Variants in OLA1 observed in about 807,000 individuals in gnomAD.
OLA1 encodes the protein Obg like ATPase 1.
A neutral mutation model predicts 48.4 loss-of-function variants in OLA1; 14 were observed. The ratio of observed to expected loss-of-function variants is 0.29; its 90% CI spans 0.19 to 0.45. OLA1 has a LOEUF of 0.45. OLA1 is among the 20% of genes least tolerant of loss of function. The pLI is 1.00. For missense variants in OLA1, 325 were observed against 467.1 expected, an observed-to-expected ratio of 0.70 and a Z score of 2.80; for synonymous variants, 127 against 150.4, an observed-to-expected ratio of 0.84 and a Z score of 1.14.
intron 4 of OLA1, among the ~76,000 whole-genome samples, chr2:174,180,741 T>A (rs116103367): frequency 6.6e-6 from 1 of 152,196 alleles, no homozygotes; most frequent in Non-Finnish European, 1.5e-5. Flanking sequence ...ACTGCATATA[T>A]CATTTGGTCC....
chr2:174,116,395 A>G (rs1685783687), intron 7 of OLA1, among the ~76,000 whole-genome samples: 1 of 152,258 alleles, frequency 6.6e-6, no homozygotes, highest in Non-Finnish European at 1.5e-5. Flanking sequence ...TTTAGAATAA[A>G]GGAATATAAT....
intron 7 of OLA1, among the ~76,000 whole-genome samples, chr2:174,106,448 GCAAA>G (rs1685516892): frequency 6.6e-6 from 1 of 152,068 alleles, no homozygotes; most frequent in Non-Finnish European, 1.5e-5. Flanking sequence ...TCAATTGCAT[GCAAA>G]TAGATAAATG....
At chr2:174,218,381 C>A (rs1027040249) in intron 4 of OLA1, among the ~76,000 whole-genome samples, 5 of 151,728 alleles carry the variant, frequency 3.3e-5, no homozygotes, top group African/African-American at 1.2e-4. Context: ...GAAAAAAAAA[C>A]CACCAGAATT....
chr2:174,094,375 T>C lies in OLA1; in HGVS notation c.729-12311A>G, dbSNP rs150891880. 5.6e-3 allele frequency among the ~76,000 whole-genome samples: 849 copies of C among 152,304 alleles called. 2 individuals carry two copies. Among genetic ancestry groups the C allele is most frequent in the Non-Finnish European group, 9.5e-3 (649 of 68,030 alleles). On this transcript the variant is annotated intron_variant, in intron 7 of 10. Transcript: ENST00000284719. ...AACGTTCCTCAAACAGATCTACAGA[T>C]TCAATGCAATTCTTTTCAAAATCCC... is the stretch of plus-strand genomic sequence containing the variant.
In OLA1 at chr2:174,153,502, C is replaced by T. The variant is rs1686794496; in HGVS notation, c.374-11502G>A. 3.9e-5 allele frequency among the ~76,000 whole-genome samples: 6 copies of T among 152,118 alleles called. No individual in the cohort carries two copies. The South Asian group carries it at 1.2e-3, about 32-fold the overall frequency. On this transcript the variant is annotated intron_variant, in intron 4 of 10. Transcript: ENST00000284719. ...GTTATCACTGACACCACTTAACTGA[C>T]AAGAAGCAACACATTACAATATTAT...
intron 4 of OLA1, among the ~76,000 whole-genome samples, chr2:174,189,350 G>A (rs1327203440): frequency 6.6e-6 from 1 of 151,980 alleles, no homozygotes; most frequent in Admixed American, 6.6e-5. Flanking sequence ...CACAAAGAAA[G>A]TTAAAGCACA....
chr2:174,174,473 C>A (rs1687378697), intron 4 of OLA1, among the ~76,000 whole-genome samples: 2 of 151,904 alleles, frequency 1.3e-5, no homozygotes, highest in Admixed American at 6.6e-5. Flanking sequence ...AATTCAACAC[C>A]TATTCAGGAT....
intron 4 of OLA1, among the ~76,000 whole-genome samples, chr2:174,173,287 T>A (rs1252151566): frequency 6.6e-6 from 1 of 151,400 alleles, no homozygotes; most frequent in Non-Finnish European, 1.5e-5. Flanking sequence ...ATTCCAGCAA[T>A]AAGAAATTAA....
chr2:174,121,819 G>A (rs767295408), intron 7 of OLA1, among the ~76,000 whole-genome samples: 30 of 152,100 alleles, frequency 2.0e-4, no homozygotes, highest in Admixed American at 4.6e-4. Flanking sequence ...GAGCCAGGGA[G>A]TTCTACCTGT....
intron 3 of OLA1, among the ~76,000 whole-genome samples, chr2:174,227,035 A>T (rs1414635012): frequency 1.3e-5 from 2 of 152,092 alleles, no homozygotes; most frequent in Non-Finnish European, 2.9e-5. Flanking sequence ...TTGAGGCTAC[A>T]GTGAGCTGTG....
At chr2:174,188,697 T>C (rs1467447060) in intron 4 of OLA1, among the ~76,000 whole-genome samples, 1 of 152,192 alleles carries the variant, frequency 6.6e-6, no homozygotes, top group African/African-American at 2.4e-5. Context: ...GTGGCTGAGA[T>C]ACTGACACCT....
chr2:174,140,636 G>A (rs1332599186), intron 5 of OLA1, among the ~76,000 whole-genome samples: 4 of 152,082 alleles, frequency 2.6e-5, no homozygotes, highest in South Asian at 2.1e-4. Flanking sequence ...CCAAAGTGCT[G>A]GAATTACAGG....
At chr2:174,169,644 C>T (rs1367272287) in intron 4 of OLA1, among the ~76,000 whole-genome samples, 1 of 152,080 alleles carries the variant, frequency 6.6e-6, no homozygotes, top group Non-Finnish European at 1.5e-5. Context: ...TTGCCAACAG[C>T]CCTGCGCTAT....
At chr2:174,180,768 G>T (rs1315945233) in intron 4 of OLA1, among the ~76,000 whole-genome samples, 9 of 152,186 alleles carry the variant, frequency 5.9e-5, no homozygotes, top group Admixed American at 5.9e-4. Flanking sequence ...TCTGGGAAAA[G>T]ATAGAAATCA....
intron 7 of OLA1, among the ~76,000 whole-genome samples, chr2:174,088,362 A>G (rs1043715001): frequency 1.3e-5 from 2 of 152,178 alleles, no homozygotes; most frequent in Non-Finnish European, 2.9e-5. Flanking sequence ...CCTCTTTACC[A>G]CTTTCCAAAT....
chr2:174,212,876 TTC>T (rs1418148828), intron 4 of OLA1, among the ~76,000 whole-genome samples: 1 of 152,206 alleles, frequency 6.6e-6, no homozygotes, highest in Non-Finnish European at 1.5e-5. Context: ...CAATGGCTTC[TTC>T]TGGATAGCTC....
chr2:174,084,984 C>A (rs1322693602), intron 7 of OLA1, among the ~76,000 whole-genome samples: 2 of 152,110 alleles, frequency 1.3e-5, no homozygotes, highest in African/African-American at 4.8e-5. Flanking sequence ...AACTGTAAAG[C>A]CTTTCATAGA....
chr2:174,214,393 A>G (rs1400719050), intron 4 of OLA1, among the ~76,000 whole-genome samples: 2 of 152,212 alleles, frequency 1.3e-5, no homozygotes, highest in African/African-American at 4.8e-5. Flanking sequence ...ATTCATTATT[A>G]TAATTGTAAG....
chr2:174,248,437 C>T lies in OLA1; in HGVS notation c.-1+15G>A, dbSNP rs1689182720. The T allele has an allele frequency of 6.1e-6, 1 of 163,060 alleles. No individual in the cohort carries two copies. The highest frequency in any genetic ancestry group is 1.5e-5 in the Non-Finnish European group (1 of 68,152). The allele number at this position is 163,060 out of a possible 1,614,324, so 10.1% of individuals were successfully genotyped here. On this transcript the variant is annotated intron_variant, in intron 1 of 10. Transcript: ENST00000284719. Reference sequence around the variant, plus strand: ...CTGGCGGAGATCGCGCCCCCGGGCTCCCTGAGGGCCTCACCGTGCTCGGCC... The same window carrying T: ...CTGGCGGAGATCGCGCCCCCGGGCTTCCTGAGGGCCTCACCGTGCTCGGCC...
Sources: gnomAD v4.1 joint callset for allele counts (sites outside exome capture counted in the v4.1 genomes callset) on GRCh38, gnomAD v4.1.1 for gene constraint, MANE v1.5 for transcripts, NCBI Gene and HGNC (gene_info 2026-07-23, HGNC 2026-07-21) for gene names.